The following VPS13B variants were observed in gnomAD, a reference collection of about 807,000 sequenced individuals.
VPS13B encodes intermembrane lipid transfer protein VPS13B.
In VPS13B, 285 loss-of-function variants were observed where a neutral mutation model predicts 426.4. The ratio of observed to expected loss-of-function variants is 0.67; its 90% CI spans 0.61 to 0.74. VPS13B has a LOEUF of 0.74. Ranked by LOEUF, VPS13B falls within the 30% of genes least tolerant of loss-of-function variation. VPS13B has a pLI of 0.00. For missense variants in VPS13B, 4,537 were observed against 4,782.6 expected (o/e 0.95, Z 1.51); for synonymous variants, 1,676 against 1,676.4 (o/e 1.00, Z 0.01).
At chr8:99,642,849 T>C (rs1359235300) in intron 34 of VPS13B, among the ~76,000 whole-genome samples, 1 of 152,214 alleles carries the variant, frequency 6.6e-6, no homozygotes, top group Non-Finnish European at 1.5e-5. Context: ...TGTTAATGCT[T>C]CTATTCAGAT....
intron 8 of VPS13B, among the ~76,000 whole-genome samples, chr8:99,132,039 G>T (rs1809831464): frequency 1.3e-5 from 2 of 152,286 alleles, no homozygotes; most frequent in South Asian, 4.1e-4. Context: ...TGGGACTGCA[G>T]GCATGCACCA....
chr8:99,860,741 C>T (rs924847731), intron 57 of VPS13B, among the ~76,000 whole-genome samples: 1 of 152,196 alleles, frequency 6.6e-6, no homozygotes, highest in Admixed American at 6.5e-5. Flanking sequence ...CCATGAAAGT[C>T]GCTCAGTTTC....
intron 17 of VPS13B, chr8:99,232,946 T>G: frequency 1.6e-6 from 1 of 626,856 alleles, no homozygotes; most frequent in Non-Finnish European, 2.9e-6. Flanking sequence ...CCTCAGATGG[T>G]CTTTGGTTTG....
rs1320106244 is a variant in VPS13B at position 99,135,030 on chromosome 8, G to C, written c.1318G>C (p.Glu440Gln). 2 of 1,613,556 alleles carry C rather than the reference G, an allele frequency of 1.2e-6. No individual in the cohort carries two copies. The highest frequency in any genetic ancestry group is 1.7e-6 in the Non-Finnish European group (2 of 1,179,586). ...CGTCTTATAGGCCCTTATGATGGGA[G>C]AACCTTTCTTTGATTGCCAGATTGG... ...GTTVEALMMG[E>Q]PFFDCQIGFV... The change falls in exon 10 of 62, where the codon GAA (glutamate) becomes CAA (glutamine). Residue 440 changes from glutamate to glutamine, a missense_variant. Coordinates refer to ENST00000357162, the MANE Select transcript of VPS13B (RefSeq NM_152564.5).
chr8:99,835,073 C>T, intron 52 of VPS13B, 124 bp from the exon 53 acceptor site: 2 of 1,211,032 alleles, frequency 1.7e-6, no homozygotes, highest in Non-Finnish European at 1.2e-6. Flanking sequence ...GGAATCTCCC[C>T]TGAGTTATAA....
At chr8:99,260,166 TCC>T (rs1817968849) in intron 17 of VPS13B, among the ~76,000 whole-genome samples, 1 of 152,076 alleles carries the variant, frequency 6.6e-6, no homozygotes, top group Non-Finnish European at 1.5e-5. Context: ...TAAAGAAGTT[TCC>T]CAGAATGCAA....
intron 19 of VPS13B, among the ~76,000 whole-genome samples, chr8:99,343,148 C>T (rs1383824670): frequency 1.3e-5 from 2 of 150,614 alleles, no homozygotes; most frequent in Non-Finnish European, 2.9e-5. Context: ...GGCTGGAGTG[C>T]AGTGGCACAA....
chr8:99,646,935 G>T (rs1269946102), intron 34 of VPS13B, among the ~76,000 whole-genome samples: 6 of 152,126 alleles, frequency 3.9e-5, no homozygotes, highest in Admixed American at 3.9e-4. Flanking sequence ...ACCGCCTGCA[G>T]AGCCATAATC....
At chr8:99,185,228 G>C (rs1813156641) in intron 16 of VPS13B, among the ~76,000 whole-genome samples, 2 of 152,166 alleles carry the variant, frequency 1.3e-5, no homozygotes, top group Admixed American at 6.5e-5. Flanking sequence ...ATGTATATTT[G>C]AGTGCATGAA....
intron 54 of VPS13B, among the ~76,000 whole-genome samples, chr8:99,841,021 C>T (rs1815656569): frequency 6.6e-6 from 1 of 152,206 alleles, no homozygotes; most frequent in African/African-American, 2.4e-5. Flanking sequence ...AGAGTCTCCT[C>T]TGTGTTTACA....
intron 31 of VPS13B, among the ~76,000 whole-genome samples, chr8:99,574,991 C>T (rs547553043): frequency 1.5e-3 from 227 of 152,116 alleles, no homozygotes; most frequent in African/African-American, 5.0e-3. Flanking sequence ...TGAGGAGACT[C>T]TGTCTCTAGA....
chr8:99,176,739 T>G (rs1037936205), intron 16 of VPS13B, among the ~76,000 whole-genome samples: 10 of 152,184 alleles, frequency 6.6e-5, no homozygotes, highest in Non-Finnish European at 1.5e-4. Context: ...AATGCAGCTT[T>G]TATGTGGGTG....
intron 31 of VPS13B, among the ~76,000 whole-genome samples, chr8:99,573,973 C>T (rs960830717): frequency 1.3e-5 from 2 of 152,092 alleles, no homozygotes; most frequent in Non-Finnish European, 2.9e-5. Flanking sequence ...TCTTTTCTTT[C>T]GTTGAGCAGT....
intron 3 of VPS13B, among the ~76,000 whole-genome samples, chr8:99,073,077 A>T (rs1418238982): frequency 6.6e-6 from 1 of 152,116 alleles, no homozygotes; most frequent in African/African-American, 2.4e-5. Context: ...CAGCAAGACA[A>T]AGTCCTCTTT....
chr8:99,863,293 G>A (rs1816923976), intron 58 of VPS13B, among the ~76,000 whole-genome samples: 1 of 152,168 alleles, frequency 6.6e-6, no homozygotes, highest in Non-Finnish European at 1.5e-5. Flanking sequence ...AGAAATATTT[G>A]AGCAACGGCA....
intron 3 of VPS13B, among the ~76,000 whole-genome samples, chr8:99,091,007 G>T (rs1465837085): frequency 6.6e-6 from 1 of 152,118 alleles, no homozygotes; most frequent in Non-Finnish European, 1.5e-5. Context: ...TGAAGGAAAG[G>T]AATGTCATAG....
chr8:99,648,458 A>G (rs1829682159), intron 34 of VPS13B, among the ~76,000 whole-genome samples: 1 of 152,214 alleles, frequency 6.6e-6, no homozygotes. Context: ...TATTAGTTGT[A>G]TATTCAGCTT....
intron 19 of VPS13B, among the ~76,000 whole-genome samples, chr8:99,358,114 G>A (rs953432078): frequency 5.9e-5 from 9 of 151,970 alleles, no homozygotes; most frequent in African/African-American, 7.2e-5. Flanking sequence ...AAGCCAGACC[G>A]CTGCTCCTCT....
chr8:99,123,914 G>A (rs1055879766), intron 8 of VPS13B, among the ~76,000 whole-genome samples: 1 of 152,166 alleles, frequency 6.6e-6, no homozygotes, highest in African/African-American at 2.4e-5. Context: ...TTTAAGTAGA[G>A]TAACTTAGTG....
Sources: gnomAD v4.1 joint callset for allele counts (sites outside exome capture counted in the v4.1 genomes callset) on GRCh38, gnomAD v4.1.1 for gene constraint, MANE v1.5 for transcripts, NCBI Gene and HGNC (gene_info 2026-07-23, HGNC 2026-07-21) for gene names.